AGBL4: variants seen among roughly 807,000 people sequenced by gnomAD.
AGBL4 encodes AGBL carboxypeptidase 4.
In AGBL4, 58 loss-of-function variants were observed where a neutral mutation model predicts 66.4. The ratio of observed to expected loss-of-function variants is 0.87; its 90% CI spans 0.71 to 1.09. AGBL4 has a LOEUF of 1.09. Among genes scored for constraint, AGBL4 ranks in the 50% least tolerant of loss-of-function variants. The probability of loss-of-function intolerance (pLI) is 0.00; values close to 1 mark genes in which losing one functional copy is unlikely to be tolerated. For synonymous variants in AGBL4, 234 were observed against 222.9 expected (o/e 1.05, Z -0.44); for missense variants, 579 against 631.0 (o/e 0.92, Z 0.88).
chr1:48,943,426 A>G (rs1656185024), intron 5 of AGBL4, among the ~76,000 whole-genome samples: 1 of 152,210 alleles, frequency 6.6e-6, no homozygotes, highest in African/African-American at 2.4e-5. Flanking sequence ...AAAGGTTGAG[A>G]TCTTTCAAGA....
intron 3 of AGBL4, among the ~76,000 whole-genome samples, chr1:49,576,231 T>C (rs1265263024): frequency 1.3e-5 from 2 of 152,174 alleles, no homozygotes; most frequent in Non-Finnish European, 2.9e-5. Context: ...CTCTGCCCCA[T>C]TTATTGAGTA....
At chr1:50,004,698 G>A (rs148071755) in intron 1 of AGBL4, among the ~76,000 whole-genome samples, 27 of 152,272 alleles carry the variant, frequency 1.8e-4, no homozygotes, top group Non-Finnish European at 3.7e-4. Context: ...CTGAAAGGAA[G>A]GGAAGAGTCT....
chr1:48,737,548 C>CA (rs1649266104), intron 6 of AGBL4, among the ~76,000 whole-genome samples: 1 of 152,128 alleles, frequency 6.6e-6, no homozygotes, highest in Non-Finnish European at 1.5e-5. Context: ...CCTTCTGGCT[C>CA]AAAACACCTA....
At chr1:49,618,534 A>C (rs1459218210) in intron 3 of AGBL4, among the ~76,000 whole-genome samples, 2 of 152,230 alleles carry the variant, frequency 1.3e-5, no homozygotes, top group Non-Finnish European at 2.9e-5. Context: ...ATTCTACCAG[A>C]GGTACAAAGA....
intron 11 of AGBL4, among the ~76,000 whole-genome samples, chr1:48,578,200 C>A (rs1330566306): frequency 6.6e-6 from 1 of 152,140 alleles, no homozygotes; most frequent in Non-Finnish European, 1.5e-5. Flanking sequence ...CTCCTCAAAC[C>A]TACACCACAA....
At chr1:49,259,133 C>A (rs1306571843) in intron 3 of AGBL4, among the ~76,000 whole-genome samples, 2 of 151,990 alleles carry the variant, frequency 1.3e-5, no homozygotes, top group Non-Finnish European at 2.9e-5. Context: ...ACCAGGCCTG[C>A]CCTAAAAGAG....
intron 3 of AGBL4, among the ~76,000 whole-genome samples, chr1:49,395,776 C>T (rs138632908): frequency 9.2e-5 from 12 of 130,330 alleles, no homozygotes; most frequent in African/African-American, 2.1e-4. Context: ...CATATATATA[C>T]ATGTGTATAT....
At chr1:49,092,636 C>T (rs1245395946) in intron 4 of AGBL4, among the ~76,000 whole-genome samples, 1 of 152,106 alleles carries the variant, frequency 6.6e-6, no homozygotes, top group African/African-American at 2.4e-5. Flanking sequence ...CTTGTTTCTC[C>T]TTCTACCATC....
At chr1:49,626,127 G>A (rs1645458958) in intron 3 of AGBL4, among the ~76,000 whole-genome samples, 1 of 152,116 alleles carries the variant, frequency 6.6e-6, no homozygotes, top group Non-Finnish European at 1.5e-5. Flanking sequence ...TTCTTTCTAT[G>A]TAGAATGCAG....
intron 6 of AGBL4, among the ~76,000 whole-genome samples, chr1:48,780,224 C>G (rs983387024): frequency 4.3e-4 from 52 of 121,606 alleles, no homozygotes; most frequent in African/African-American, 1.5e-3. Context: ...TGTGATGTTC[C>G]CCTCCCCGTA....
intron 3 of AGBL4, among the ~76,000 whole-genome samples, chr1:49,403,468 T>A (rs1437852187): frequency 6.6e-6 from 1 of 152,222 alleles, no homozygotes; most frequent in African/African-American, 2.4e-5. Context: ...CTGTTAAATT[T>A]ATCTGTTAGA....
intron 5 of AGBL4, among the ~76,000 whole-genome samples, chr1:48,882,014 T>C (rs1225699258): frequency 1.3e-5 from 2 of 152,196 alleles, no homozygotes; most frequent in Non-Finnish European, 1.5e-5. Flanking sequence ...TTTGGGAGGC[T>C]GAGGTGGGAG....
intron 4 of AGBL4, among the ~76,000 whole-genome samples, chr1:49,093,513 C>T (rs2147983837): frequency 6.6e-6 from 1 of 152,098 alleles, no homozygotes; most frequent in Non-Finnish European, 1.5e-5. Flanking sequence ...ATGCATAAGA[C>T]AGTAAATAAA....
chr1:48,588,842 GAAGAGAAGA>G (rs1348597213), intron 10 of AGBL4, among the ~76,000 whole-genome samples: 11 of 151,534 alleles, frequency 7.3e-5, no homozygotes, highest in Non-Finnish European at 1.0e-4. Flanking sequence ...GAAGAGAAGA[GAAGAGAAGA>G]GAAGAGAAGG....
intron 3 of AGBL4, among the ~76,000 whole-genome samples, chr1:49,474,004 C>A (rs532509491): frequency 6.6e-6 from 1 of 151,982 alleles, no homozygotes; most frequent in African/African-American, 2.4e-5. Flanking sequence ...ACATTTGTAC[C>A]AGTACCATGT....
At chr1:49,711,010 T>C (rs971333728) in intron 2 of AGBL4, among the ~76,000 whole-genome samples, 25 of 152,022 alleles carry the variant, frequency 1.6e-4, no homozygotes, top group African/African-American at 4.8e-4. Flanking sequence ...GAAAAATGCA[T>C]ATTAAAACCA....
chr1:49,188,236 T>C (rs1223280052), intron 4 of AGBL4, among the ~76,000 whole-genome samples: 3 of 152,090 alleles, frequency 2.0e-5, no homozygotes, highest in African/African-American at 7.2e-5. Context: ...CTCAGTATCA[T>C]CTCCTCCTTC....
rs76470104 is a variant in AGBL4 at position 49,075,134 on chromosome 1, T to C, written c.378-29334A>G. 2.6e-5 allele frequency among the ~76,000 whole-genome samples: 4 copies of C among 152,316 alleles called. No homozygotes were observed. The East Asian group carries it at 5.8e-4, about 22-fold the overall frequency. ...TTTTGAACATAATGTTTTTTGAACA[T>C]TTGTGTATACGTTCATGTCTGTAGT... is the stretch of plus-strand genomic sequence containing the variant. On this transcript the variant is annotated intron_variant, in intron 4 of 13. Coordinates refer to ENST00000371839, the MANE Select transcript of AGBL4 (RefSeq NM_032785.4).
intron 3 of AGBL4, among the ~76,000 whole-genome samples, chr1:49,297,496 G>C (rs1161449423): frequency 2.6e-5 from 4 of 152,218 alleles, no homozygotes; most frequent in African/African-American, 4.8e-5. Flanking sequence ...CTGTGGAACA[G>C]AGAATACTGA....
Sources: gnomAD v4.1 joint callset for allele counts (sites outside exome capture counted in the v4.1 genomes callset) on GRCh38, gnomAD v4.1.1 for gene constraint, MANE v1.5 for transcripts, NCBI Gene and HGNC (gene_info 2026-07-23, HGNC 2026-07-21) for gene names.